UNC80: variants seen among roughly 807,000 people sequenced by gnomAD.
UNC80 encodes unc-80 subunit of NALCN channel complex, also known as protein unc-80 homolog.
In UNC80, 164 loss-of-function variants were observed where a neutral mutation model predicts 384.6. The ratio of observed to expected loss-of-function variants is 0.43; its 90% confidence interval spans 0.38 to 0.49. UNC80 has a LOEUF of 0.49. Among genes scored for constraint, UNC80 ranks in the 20% least tolerant of loss-of-function variants. UNC80 has a pLI of 0.00. For missense variants in UNC80, 3,330 were observed against 4,143.0 expected (o/e 0.80, Z 5.39); for synonymous variants, 1,486 against 1,527.8 (o/e 0.97, Z 0.64).
chr2:209,895,647 TG>T (rs1341130927), intron 27 of UNC80, among the ~76,000 whole-genome samples: 1 of 152,226 alleles, frequency 6.6e-6, no homozygotes, highest in Non-Finnish European at 1.5e-5. Context: ...TTGAAAACAT[TG>T]TTTTGTCATT....
In UNC80 at chr2:209,976,402, T is replaced by C; in HGVS notation, c.8772+99T>C. On this transcript the variant is annotated intron_variant, in intron 57 of 64. Coordinates refer to ENST00000673920, the MANE Select transcript of UNC80 (RefSeq NM_001371986.1). The surrounding 1 kb of genome is among the most constrained non-coding windows in gnomAD (Gnocchi z 4.3). ...TGGCAGGAGTGCTCATGGTACCTAC[T>C]GTTGCCAGTTAGTAGGGCCTGTTAA... 6.9e-7 allele frequency: 1 copy of C among 1,457,904 alleles called. No individual in the cohort carries two copies. Among genetic ancestry groups the C allele is most frequent in the South Asian group, 1.3e-5 (1 of 79,848 alleles). 90.3% of individuals were successfully genotyped at this position (1,457,904 alleles called of 1,614,324 possible).
At chr2:209,914,576 TC>T (rs1295418039) in intron 31 of UNC80, among the ~76,000 whole-genome samples, 2 of 32,868 alleles carry the variant, frequency 6.1e-5, no homozygotes, top group African/African-American at 2.4e-4. Context: ...CCAGCCCCCT[TC>T]CCCCTCCCAG....
At chr2:209,811,816 A>T (rs1445071444) in intron 7 of UNC80, among the ~76,000 whole-genome samples, 1 of 152,238 alleles carries the variant, frequency 6.6e-6, no homozygotes, top group Non-Finnish European at 1.5e-5. Flanking sequence ...CAATGCTATT[A>T]ACAAGAGAAA....
At chr2:209,896,545 G>A in intron 28 of UNC80, 132 bp downstream of exon 28, 1 of 766,660 alleles carries the variant, frequency 1.3e-6, no homozygotes, top group African/African-American at 1.7e-5. Context: ...AGGGGCTTAT[G>A]TTTTACCTGA....
At chr2:209,902,594 T>C (rs2087540418) in intron 28 of UNC80, among the ~76,000 whole-genome samples, 1 of 152,132 alleles carries the variant, frequency 6.6e-6, no homozygotes, top group African/African-American at 2.4e-5. Flanking sequence ...CAGCAACCAC[T>C]TCTCTCTCTC....
chr2:209,984,938 T>C, intron 61 of UNC80, 26 bp downstream of exon 61: 8 of 1,544,730 alleles, frequency 5.2e-6, no homozygotes, highest in Non-Finnish European at 7.0e-6. Context: ...TACCTGTCTA[T>C]TGGTGTCTGT....
rs866109303 is a variant in UNC80 at position 209,849,599 on chromosome 2, C to T, written c.3603C>T (p.Ser1201=). 6.4e-7 allele frequency: 1 copy of T among 1,550,792 alleles called. No homozygotes were observed. The highest frequency in any genetic ancestry group is 8.7e-7 in the Non-Finnish European group (1 of 1,146,428). ...AGCCAGGGACAATTCCTGATGCCTC[C>T]ATCCTAGCAGCTGCCTTGGATCTAG... is the stretch of plus-strand genomic sequence containing the variant. ...CCEPGTIPDA[S]ILAAALDLEA... is the part of the protein sequence containing the mutation. The change falls in exon 22 of 65, where the codon TCC becomes TCT. Residue 1201 remains serine (S), a synonymous_variant. Transcript: ENST00000673920.
Position 209,820,325 on chromosome 2 carries a change from T to C in UNC80, c.1977T>C (p.Ala659=), listed in dbSNP as rs2080044255. Residue 659 remains alanine, a synonymous_variant, in exon 13 of 65, where the codon GCT becomes GCC. Coordinates refer to ENST00000673920, the MANE Select transcript of UNC80 (RefSeq NM_001371986.1). ...GTTTTCCTCAGGTAGTTCTGAAGGCTGTTTATCTTGTCCTTAATCATGACA... is the reference window on the plus strand; with the variant it reads ...GTTTTCCTCAGGTAGTTCTGAAGGCCGTTTATCTTGTCCTTAATCATGACA... ...GMLDLSVVLK[A]VYLVLNHDIS... is the part of the protein sequence containing the mutation. 1 of 1,543,850 alleles carries C rather than the reference T, an allele frequency of 6.5e-7. No individual in the cohort carries two copies. The highest frequency in any genetic ancestry group is 2.0e-5 in the Admixed American group (1 of 49,762).
At chr2:209,812,695 T>C (rs938165648) in intron 7 of UNC80, among the ~76,000 whole-genome samples, 6 of 148,394 alleles carry the variant, frequency 4.0e-5, no homozygotes, top group African/African-American at 1.2e-4. Flanking sequence ...TCACTTATTG[T>C]CTGTCTTTCT....
rs567673042 is a variant in UNC80, at chr2:209,892,151, TAATC to T, written c.4277-2011_4277-2008del. Among the ~76,000 whole-genome samples, 8 of 152,262 alleles carry T rather than the reference TAATC, an allele frequency of 5.3e-5. No homozygotes were observed. In the East Asian group the frequency reaches 1.5e-3, roughly 29 times the overall value. ...TGATTTATGCATTTAAAAGATGACT[TAATC>T]TATGGGAGTAGAGGGAAAGGTGAAG... is the stretch of plus-strand genomic sequence containing the variant. On this transcript the variant is annotated intron_variant, in intron 26 of 64. Coordinates refer to ENST00000673920, the MANE Select transcript of UNC80 (RefSeq NM_001371986.1).
intron 42 of UNC80, 123 bp downstream of exon 42, chr2:209,937,753 G>T: frequency 1.4e-6 from 1 of 693,106 alleles, no homozygotes; most frequent in Non-Finnish European, 2.5e-6. Flanking sequence ...GACAGTAGTT[G>T]GCCCTCACTC....
chr2:209,984,046 T>C (rs771227135), intron 60 of UNC80, among the ~76,000 whole-genome samples: 3 of 152,174 alleles, frequency 2.0e-5, no homozygotes, highest in Admixed American at 2.0e-4. Context: ...TTAACGAGTA[T>C]TTATTGCCTC....
rs1421002794 is a variant in UNC80 at position 209,996,442 on chromosome 2, T to C, written c.*847T>C. 1.3e-5 allele frequency: 2 copies of C among 152,246 alleles called. No individual in the cohort carries two copies. Among genetic ancestry groups the C allele is most frequent in the Admixed American group, 1.3e-4 (2 of 15,286 alleles). 9.4% of individuals were successfully genotyped at this position (152,246 alleles called of 1,614,324 possible). On this transcript the variant is annotated 3_prime_UTR_variant, in exon 65 of 65. Transcript: ENST00000673920. ...ACATCAATACCAAGATTAGAAGCTA[T>C]TGGAAAATGTGATTAGTAATACTTT... is the stretch of plus-strand genomic sequence containing the variant.
At chr2:209,793,917 G>A in intron 7 of UNC80, 58 bp downstream of exon 7, 1 of 1,597,926 alleles carries the variant, frequency 6.3e-7, no homozygotes, top group South Asian at 1.1e-5. Context: ...AATCAAATAT[G>A]CATTTTTAAC....
chr2:209,844,515 C>T lies in UNC80; in HGVS notation c.3454+2069C>T, dbSNP rs1182730033. Among the ~76,000 whole-genome samples the T allele has an allele frequency of 4.6e-5, 6 of 130,090 alleles. No homozygotes were observed. In the Middle Eastern group the frequency reaches 0.016, roughly 350 times the overall value. 85.3% of individuals were successfully genotyped at this position (130,090 alleles called of 152,430 possible). ...TCCTTCCTTCCTTCCTTCCTTCCTT[C>T]CTTCCTTCCTTCCTTCCTTCCTTCC... is the stretch of plus-strand genomic sequence containing the variant. On this transcript the variant is annotated intron_variant, in intron 21 of 64. Coordinates refer to ENST00000673920, the MANE Select transcript of UNC80 (RefSeq NM_001371986.1).
At chr2:209,909,295 G>C (rs1203029131) in intron 29 of UNC80, among the ~76,000 whole-genome samples, 3 of 152,186 alleles carry the variant, frequency 2.0e-5, no homozygotes, top group Non-Finnish European at 4.4e-5. Context: ...AGGAACAGAA[G>C]ATTGAACTTG....
In UNC80 at chr2:209,793,736, G is replaced by T. The variant is rs780919885; in HGVS notation, c.815G>T (p.Cys272Phe). 1 of 1,613,950 alleles carries T rather than the reference G, an allele frequency of 6.2e-7. No individual in the cohort carries two copies. The highest frequency in any genetic ancestry group is 2.2e-5 in the East Asian group (1 of 44,870). Residue 272 changes from cysteine (C) to phenylalanine (F), a missense_variant, in exon 7 of 65, where the codon TGT (cysteine) becomes TTT (phenylalanine). By Grantham distance (205) the Cys-to-Phe change is radical. Around this residue, in one of 8 missense-constraint regions of UNC80, gnomAD observed 937 missense variants for 1,026.8 expected, o/e 0.91. Coordinates refer to ENST00000673920, the MANE Select transcript of UNC80 (RefSeq NM_001371986.1). The part of the protein sequence containing the change: ...ARHLEGLQVV[C>F]ETFQSDSISP... Reference sequence around the variant, plus strand: ...CTCCAAAAGGGACTCCAGGTGGTTTGTGAAACATTCCAGTCTGATTCCATC... The same window carrying T: ...CTCCAAAAGGGACTCCAGGTGGTTTTTGAAACATTCCAGTCTGATTCCATC...
At chr2:209,796,579 G>GT (rs1295350491) in intron 7 of UNC80, 2 of 152,226 alleles carry the variant, frequency 1.3e-5, no homozygotes, top group Admixed American at 1.3e-4. Flanking sequence ...TTGTGGGAGG[G>GT]ACCCATGGGG....
At position 209,936,951 on chromosome 2, in the gene UNC80, A is replaced by G; in HGVS notation, c.6363+18A>G. ...ACAATAAGGTGAGACACCAGTAGTG[A>G]CATCCCCGTTGAGTTGTGCCAAAGG... On this transcript the variant is annotated intron_variant, in intron 41 of 64. Transcript: ENST00000673920. 3.3e-6 allele frequency: 5 copies of G among 1,495,560 alleles called. No homozygotes were observed. Among genetic ancestry groups the G allele is most frequent in the Non-Finnish European group, 4.6e-6 (5 of 1,096,078 alleles). 92.6% of individuals were successfully genotyped at this position (1,495,560 alleles called of 1,614,324 possible).
Sources: allele counts gnomAD v4.1 joint callset (sites outside exome capture counted in the v4.1 genomes callset), GRCh38; gene constraint gnomAD v4.1.1; regional missense constraint gnomAD v4.1.1; non-coding constraint Gnocchi (gnomAD v3.1); transcripts MANE v1.5; gene names NCBI Gene and HGNC (gene_info 2026-07-23, HGNC 2026-07-21).